The following WARS1 variants were observed in gnomAD, a reference collection of about 807,000 sequenced individuals.
The protein encoded by WARS1 is tryptophanyl-tRNA synthetase 1.
In WARS1, 17 loss-of-function variants were observed where a neutral mutation model predicts 47.8. The ratio of observed to expected loss-of-function variants is 0.36; its 90% CI spans 0.24 to 0.53. WARS1 has a LOEUF of 0.53. Ranked by LOEUF, WARS1 falls within the 20% of genes least tolerant of loss-of-function variation. WARS1 has a pLI of 0.91. For synonymous variants in WARS1, 208 were observed against 228.1 expected (o/e 0.91, Z 0.79); for missense variants, 434 against 608.0 (o/e 0.71, Z 3.01).
intron 1 of WARS1, among the ~76,000 whole-genome samples, chr14:100,372,120 C>T (rs1566871209): frequency 6.6e-6 from 1 of 152,082 alleles, no homozygotes; most frequent in Non-Finnish European, 1.5e-5. Context: ...TTTCCTTTAC[C>T]TACCCAAATC....
intron 2 of WARS1, 51 bp from the exon 3 acceptor site, chr14:100,361,972 T>C (rs372763523): frequency 2.5e-6 from 4 of 1,570,110 alleles, no homozygotes; most frequent in Middle Eastern, 1.7e-4. Flanking sequence ...ATAGCTGATA[T>C]GTGCTGAATG....
Sources: gnomAD v4.1 joint callset for allele counts (sites outside exome capture counted in the v4.1 genomes callset) on GRCh38, gnomAD v4.1.1 for gene constraint, MANE v1.5 for transcripts, NCBI Gene and HGNC (gene_info 2026-07-23, HGNC 2026-07-21) for gene names.